The following SBNO1 variants were observed in gnomAD, a reference collection of about 807,000 sequenced individuals.
The protein encoded by SBNO1 is protein strawberry notch homolog 1.
A neutral mutation model predicts 173.6 loss-of-function variants in SBNO1; 23 were observed. That is an observed-to-expected ratio of 0.13 (90% CI 0.10 to 0.19). The LOEUF (loss-of-function observed/expected upper bound fraction) is 0.19. Among genes scored for constraint, SBNO1 ranks in the 10% least tolerant of loss-of-function variants. The pLI is 1.00. For missense variants in SBNO1, 1,238 were observed against 1,671.2 expected (o/e 0.74, Z 4.52); for synonymous variants, 632 against 571.5 (o/e 1.11, Z -1.51).
intron 31 of SBNO1, among the ~76,000 whole-genome samples, chr12:123,297,422 A>AAAAAAAAAAAAAAAAAAAAAAAAAT (rs1555243597): frequency 6.7e-6 from 1 of 148,178 alleles, no homozygotes; most frequent in Non-Finnish European, 1.5e-5. Flanking sequence ...AAAAAAAAAA[A>AAAAAAAAAAAAAAAAAAAAAAAAAT]TTCCATAGAC....
In SBNO1 at chr12:123,297,400, CAAAAA is replaced by C. The variant is rs59447456; in HGVS notation, c.4039+573_4039+577del. Among the ~76,000 whole-genome samples the C allele has an allele frequency of 4.8e-4, 15 of 31,518 alleles. 1 individual carries two copies. The highest frequency in any genetic ancestry group is 4.2e-3 in the East Asian group (3 of 714). The allele number at this position is 31,518 out of a possible 152,430, so 20.7% of individuals were successfully genotyped here. On this transcript the variant is annotated intron_variant, in intron 31 of 31. Coordinates refer to ENST00000602398, the MANE Select transcript of SBNO1 (RefSeq NM_001167856.3). ...TACAACATCCCAAAATACTGGTGTCCAAAAAAAAAAAAAAAAAAAAAATTCCATAG... is the reference window on the plus strand; with the variant it reads ...TACAACATCCCAAAATACTGGTGTCCAAAAAAAAAAAAAAAAATTCCATAG...
At chr12:123,332,702 C>G (rs1425136706) in intron 7 of SBNO1, among the ~76,000 whole-genome samples, 2 of 151,588 alleles carry the variant, frequency 1.3e-5, no homozygotes, top group Non-Finnish European at 2.9e-5. Context: ...AAGTAGATGG[C>G]ACTAGAGGTG....
At chr12:123,351,628 T>C (rs1593412375) in intron 1 of SBNO1, among the ~76,000 whole-genome samples, 4 of 151,546 alleles carry the variant, frequency 2.6e-5, no homozygotes, top group East Asian at 3.9e-4. Context: ...TCAGTAAAGA[T>C]AGAAAAAAAT....
chr12:123,332,708 AG>A (rs2139009502), intron 7 of SBNO1, among the ~76,000 whole-genome samples: 1 of 151,978 alleles, frequency 6.6e-6, no homozygotes, highest in Admixed American at 6.6e-5. Context: ...ATGGCACTAG[AG>A]GTGTGTACCA....
In SBNO1 at chr12:123,324,735, G is replaced by A. The variant is rs183484614; in HGVS notation, c.1973+767C>T. Among the ~76,000 whole-genome samples the A allele has an allele frequency of 5.2e-3, 793 of 152,254 alleles. 2 individuals are homozygous for A. The highest frequency in any genetic ancestry group is 8.8e-3 in the Non-Finnish European group (597 of 67,996). ...GGAGGTTAGGCAAACTAAAAACAAT[G>A]CCTAAAACATTTTAAAATCTATTTC... On this transcript the variant is annotated intron_variant, in intron 15 of 31. Transcript: ENST00000602398.
At chr12:123,325,070 C>CA (rs1157771918) in intron 15 of SBNO1, among the ~76,000 whole-genome samples, 1 of 152,176 alleles carries the variant, frequency 6.6e-6, no homozygotes, top group East Asian at 1.9e-4. Flanking sequence ...GTTGGCCTCC[C>CA]AAAGTGCTGA....
Position 123,335,070 on chromosome 12 carries a change from G to A in SBNO1, c.749-857C>T, listed in dbSNP as rs576260049. The stretch of plus-strand genomic sequence containing the variant: ...AGCTGGGCATGGTGGTGGGACCTGT[G>A]GTCCGAGCTATTCAGGAGTCTGAGA... On this transcript the variant is annotated intron_variant, in intron 6 of 31. Transcript: ENST00000602398. 3.3e-5 allele frequency among the ~76,000 whole-genome samples: 5 copies of A among 152,264 alleles called. No individual in the cohort carries two copies. The East Asian group carries it at 7.7e-4, about 24-fold the overall frequency.
chr12:123,303,835 AAAAAAAGAAAGAAAG>A lies in SBNO1; in HGVS notation c.3768+732_3768+746del, dbSNP rs1292808866. ...TGCAACACAGTGAGACCTCATTTAAAAAAAAAGAAAGAAAGAAAAAGAAAATATAATTTCATACCT... is the reference window on the plus strand; with the variant it reads ...TGCAACACAGTGAGACCTCATTTAAAAAAAAGAAAATATAATTTCATACCT... On this transcript the variant is annotated intron_variant, in intron 29 of 31. Transcript: ENST00000602398. Among the ~76,000 whole-genome samples, 13 of 150,938 alleles carry A rather than the reference AAAAAAAGAAAGAAAG, an allele frequency of 8.6e-5. No individual in the cohort carries two copies. The South Asian group carries it at 2.5e-3, about 29-fold the overall frequency.
rs1333348550 is a variant in SBNO1 at position 123,289,145 on chromosome 12, CAAAA to C, written c.*6759_*6762del. On this transcript the variant is annotated 3_prime_UTR_variant, in exon 32 of 32. Transcript: ENST00000602398. ...TAATTTATTTAGAATCTTACAAAAA[CAAAA>C]AACAAAACAAAAACCACCACAACAG... 1 of 151,302 alleles carries C rather than the reference CAAAA, an allele frequency of 6.6e-6. No homozygotes were observed. The highest frequency in any genetic ancestry group is 6.6e-5 in the Admixed American group (1 of 15,176). The allele number at this position is 151,302 out of a possible 1,614,324, so 9.4% of individuals were successfully genotyped here.
intron 7 of SBNO1, among the ~76,000 whole-genome samples, chr12:123,333,746 C>T (rs1293690980): frequency 6.6e-6 from 1 of 152,156 alleles, no homozygotes; most frequent in Non-Finnish European, 1.5e-5. Context: ...AATCCACCCA[C>T]CTCAGCCTCC....
intron 1 of SBNO1, among the ~76,000 whole-genome samples, chr12:123,350,789 G>C (rs534589027): frequency 7.9e-5 from 12 of 152,154 alleles, no homozygotes; most frequent in East Asian, 3.8e-4. Context: ...GGATCCTCTC[G>C]ACTATGCATT....
intron 23 of SBNO1, among the ~76,000 whole-genome samples, 186 bp from the exon 24 acceptor site, chr12:123,313,905 A>G (rs1450673646): frequency 1.3e-5 from 2 of 152,014 alleles, no homozygotes; most frequent in Non-Finnish European, 2.9e-5. Flanking sequence ...CCTGACCAAC[A>G]TGGTGAAACC....
chr12:123,364,561 C>A (rs1045718394), intron 1 of SBNO1, 140 bp downstream of exon 1: 1 of 983,794 alleles, frequency 1.0e-6, no homozygotes, highest in Non-Finnish European at 1.2e-6. Flanking sequence ...CGAGGAGCGG[C>A]AAGCGGCGAG....
At position 123,331,362 on chromosome 12, in the gene SBNO1, A is replaced by C. The variant is rs140243682; in HGVS notation, c.923T>G (p.Phe308Cys). Residue 308 changes from phenylalanine to cysteine, a missense_variant, in exon 8 of 32, where the codon TTC becomes TGC. By Grantham distance (205) the Phe-to-Cys change is radical. Around this residue, in one of 14 missense-constraint regions of SBNO1, gnomAD observed 78 missense variants for 103.3 expected, o/e 0.76. Coordinates refer to ENST00000602398, the MANE Select transcript of SBNO1 (RefSeq NM_001167856.3). The stretch of plus-strand genomic sequence containing the variant: ...GCCAGCACGATCTCCATTAGGTAGG[A>C]AAGTTTCATGTTGCTGAAAAACAAA... The part of the protein sequence containing the change: ...ITYAAQQHET[F>C]LPNGDRAGFL... 31 of 1,613,470 alleles carry C rather than the reference A, an allele frequency of 1.9e-5. No individual in the cohort carries two copies. Among genetic ancestry groups the C allele is most frequent in the Non-Finnish European group, 2.6e-5 (31 of 1,179,830 alleles).
chr12:123,334,410 G>C (rs1352420184), intron 6 of SBNO1, among the ~76,000 whole-genome samples, 197 bp from the exon 7 acceptor site: 1 of 152,046 alleles, frequency 6.6e-6, no homozygotes, highest in Non-Finnish European at 1.5e-5. Flanking sequence ...ACTACATATG[G>C]TTAAAACAGA....
chr12:123,309,909 T>A, intron 25 of SBNO1, 53 bp from the exon 26 acceptor site: 1 of 1,394,382 alleles, frequency 7.2e-7, no homozygotes, highest in Non-Finnish European at 9.9e-7. Context: ...AAAAATTTTT[T>A]ATTCATCTAG....
chr12:123,331,934 C>A (rs998427071), intron 7 of SBNO1, among the ~76,000 whole-genome samples: 1 of 152,052 alleles, frequency 6.6e-6, no homozygotes, highest in African/African-American at 2.4e-5. Context: ...CTCACTGCAA[C>A]CTCTGAATTC....
At chr12:123,317,618 G>A (rs1233332346) in intron 20 of SBNO1, among the ~76,000 whole-genome samples, 1 of 152,100 alleles carries the variant, frequency 6.6e-6, no homozygotes, top group African/African-American at 2.4e-5. Flanking sequence ...CTCTCTGTTA[G>A]GTAAAATGTA....
intron 15 of SBNO1, 126 bp downstream of exon 15, chr12:123,325,376 G>C: frequency 6.1e-6 from 4 of 654,232 alleles, no homozygotes; most frequent in Non-Finnish European, 5.4e-6. Flanking sequence ...AGAAAACTCA[G>C]ATCAAGAAAA....
Sources: gnomAD v4.1 joint callset for allele counts (sites outside exome capture counted in the v4.1 genomes callset) on GRCh38, gnomAD v4.1.1 for gene constraint, gnomAD v4.1.1 regional missense constraint, MANE v1.5 for transcripts, NCBI Gene and HGNC (gene_info 2026-07-23, HGNC 2026-07-21) for gene names.